Variants in SRGAP3 observed in about 807,000 individuals in gnomAD.
SRGAP3 encodes the protein SLIT-ROBO Rho GTPase-activating protein 3.
In SRGAP3, 39 loss-of-function variants were observed where a neutral mutation model predicts 121.1. The ratio of observed to expected loss-of-function variants is 0.32; its 90% CI spans 0.25 to 0.42. SRGAP3 has a LOEUF of 0.42. Ranked by LOEUF, SRGAP3 falls within the 10% of genes least tolerant of loss-of-function variation. The probability of loss-of-function intolerance (pLI) is 1.00; values close to 1 mark genes in which losing one functional copy is unlikely to be tolerated. For synonymous variants in SRGAP3, 601 were observed against 570.0 expected (o/e 1.05, Z -0.77); for missense variants, 1,213 against 1,470.6 (o/e 0.82, Z 2.86).
At position 8,985,922 on chromosome 3, in the gene SRGAP3, T is replaced by C. The variant is rs762482891; in HGVS notation, c.2897A>G (p.Lys966Arg). Residue 966 changes from lysine (K) to arginine (R), a missense_variant, in exon 22 of 22, where the codon AAG (lysine) becomes AGG (arginine). By Grantham distance (26) the Lys-to-Arg change is conservative. Transcript: ENST00000383836. This position sits in a 1 kb window ranked among gnomAD's most constrained non-coding sequence, Gnocchi z 5.1. The stretch of plus-strand genomic sequence containing the variant: ...CTCGTGCAGAGCCGTGCTCATGGTC[T>C]TCTCGATGTCCTGGGGACAGAGGGA... ...EAEALAEDIE[K>R]TMSTALHELR... is the part of the protein sequence containing the mutation. 3 of 1,599,524 alleles carry C rather than the reference T, an allele frequency of 1.9e-6. No homozygotes were observed. The highest frequency in any genetic ancestry group is 2.5e-6 in the Non-Finnish European group (3 of 1,179,926).
intron 3 of SRGAP3, among the ~76,000 whole-genome samples, chr3:9,266,632 TTTTTG>T (rs1954373504): frequency 6.7e-6 from 1 of 149,416 alleles, no homozygotes. Flanking sequence ...CCATCCGGTT[TTTTTG>T]TTTTGTTTTG....
intron 20 of SRGAP3, among the ~76,000 whole-genome samples, chr3:8,991,839 G>A (rs1432841669): frequency 1.3e-5 from 2 of 152,138 alleles, no homozygotes; most frequent in African/African-American, 4.8e-5. Flanking sequence ...GCTTGTGGGT[G>A]CCCCAGCAGG....
At chr3:9,123,041 G>A (rs1029611724) in intron 2 of SRGAP3, among the ~76,000 whole-genome samples, 1 of 152,204 alleles carries the variant, frequency 6.6e-6, no homozygotes, top group Non-Finnish European at 1.5e-5. Context: ...CCACAGGGAT[G>A]AACTTTGAGG....
chr3:9,081,373 G>A (rs1947238811), intron 3 of SRGAP3: 3 of 440,296 alleles, frequency 6.8e-6, no homozygotes, highest in South Asian at 4.9e-5. Flanking sequence ...AAAAGATCTA[G>A]CTTCTCATTT....
intron 3 of SRGAP3, among the ~76,000 whole-genome samples, chr3:9,285,003 G>A (rs1305757775): frequency 2.6e-5 from 4 of 152,056 alleles, no homozygotes. Context: ...CCAGATATCT[G>A]CAAACTGAAT....
intron 1 of SRGAP3, among the ~76,000 whole-genome samples, chr3:9,153,007 CCAAT>C (rs1319170498): frequency 1.3e-5 from 2 of 152,174 alleles, no homozygotes. Context: ...GTCGTTGATC[CCAAT>C]CAAACTCTCC....
chr3:9,276,886 C>G (rs17050211), intron 3 of SRGAP3, among the ~76,000 whole-genome samples: 11,795 of 152,262 alleles, frequency 0.077, 1,447 homozygotes, highest in African/African-American at 0.26. Flanking sequence ...GAGAAAGGGT[C>G]TCCCATTATC....
intron 7 of SRGAP3, among the ~76,000 whole-genome samples, chr3:9,057,766 T>C (rs766176841): frequency 6.6e-6 from 1 of 152,170 alleles, no homozygotes; most frequent in Non-Finnish European, 1.5e-5. Context: ...TCCATTTGTT[T>C]TTCGTTTGTT....
At chr3:9,249,654 C>T (rs547502386), upstream of SRGAP3, 5 of 234,190 alleles carry the variant, frequency 2.1e-5, no homozygotes, top group African/African-American at 1.1e-4. Context: ...ACTGCTCGCC[C>T]TGCAGGGCTG....
At position 8,985,320 on chromosome 3, in the gene SRGAP3, G is replaced by T. The variant is rs1941620009; in HGVS notation, c.*199C>A. On this transcript the variant is annotated 3_prime_UTR_variant, in exon 22 of 22. Transcript: ENST00000383836. This position sits in a 1 kb window ranked among gnomAD's most constrained non-coding sequence, Gnocchi z 5.1. Reference sequence around the variant, plus strand: ...CACTCCTCTGGTCGTCTGTTGACACGCGAGAGGTCCGTGGGATTCCCATGG... The same window carrying T: ...CACTCCTCTGGTCGTCTGTTGACACTCGAGAGGTCCGTGGGATTCCCATGG... 3 of 1,206,378 alleles carry T rather than the reference G, an allele frequency of 2.5e-6. No individual in the cohort carries two copies. Among genetic ancestry groups the T allele is most frequent in the African/African-American group, 1.6e-5 (1 of 63,254 alleles). 74.7% of individuals were successfully genotyped at this position (1,206,378 alleles called of 1,614,324 possible).
chr3:9,202,877 A>T (rs912415911), intron 1 of SRGAP3, among the ~76,000 whole-genome samples: 4 of 152,208 alleles, frequency 2.6e-5, no homozygotes, highest in Non-Finnish European at 4.4e-5. Context: ...AGGCTGAAGT[A>T]AGCCTCCTTC....
At chr3:9,231,191 C>G (rs1249177637) in intron 1 of SRGAP3, among the ~76,000 whole-genome samples, 2 of 152,232 alleles carry the variant, frequency 1.3e-5, no homozygotes, top group Admixed American at 1.3e-4. Flanking sequence ...GTCCAAGGAG[C>G]TCAGAGAAGG....
chr3:9,081,745 A>G (rs938497643), intron 3 of SRGAP3, among the ~76,000 whole-genome samples: 2 of 152,220 alleles, frequency 1.3e-5, no homozygotes, highest in Non-Finnish European at 2.9e-5. Context: ...AAACAATGAG[A>G]AAATTATCTC....
intron 12 of SRGAP3, chr3:9,028,081 G>C: frequency 5.6e-6 from 9 of 1,614,068 alleles, no homozygotes; most frequent in Non-Finnish European, 7.6e-6. Context: ...TGGGGCTAAT[G>C]GGCCTTTCTA....
intron 1 of SRGAP3, among the ~76,000 whole-genome samples, chr3:9,161,508 G>A (rs1950598006): frequency 6.6e-6 from 1 of 152,214 alleles, no homozygotes; most frequent in Admixed American, 6.5e-5. Flanking sequence ...CACGTGGGCT[G>A]GAAGAGGCAG....
In SRGAP3 at chr3:9,249,009, C is replaced by T; in HGVS notation, c.-58G>A. 1.9e-6 allele frequency: 3 copies of T among 1,547,404 alleles called. No individual in the cohort carries two copies. Among genetic ancestry groups the T allele is most frequent in the Admixed American group, 1.7e-5 (1 of 59,814 alleles). On this transcript the variant is annotated 5_prime_UTR_variant, in exon 1 of 22. Coordinates refer to ENST00000383836, the MANE Select transcript of SRGAP3 (RefSeq NM_014850.4). ...TTTGATTTATTTCTCCTTTTCTTTTCGAGTCCTCTCTCAAGCCCTGGTAAT... is the reference window on the plus strand; with the variant it reads ...TTTGATTTATTTCTCCTTTTCTTTTTGAGTCCTCTCTCAAGCCCTGGTAAT...
chr3:9,011,024 A>C (rs1239431095), intron 17 of SRGAP3, among the ~76,000 whole-genome samples: 2 of 120,878 alleles, frequency 1.7e-5, no homozygotes, highest in African/African-American at 6.3e-5. Flanking sequence ...GCAAGGGTTA[A>C]TTCACATAAT....
chr3:9,353,065 G>A lies in SRGAP3; in HGVS notation n.214+9775C>T, dbSNP rs73026920. The stretch of plus-strand genomic sequence containing the variant: ...GTGATTCTGCTTTGCCTTTGGCACC[G>A]TGTTGCTGCTGCAGTGACCACTGCT... On this transcript the variant is annotated intron_variant and non_coding_transcript_variant, in intron 1 of 3. Transcript: ENST00000490889. 4.8e-3 allele frequency among the ~76,000 whole-genome samples: 737 copies of A among 152,306 alleles called. 3 individuals are homozygous for A. The highest frequency in any genetic ancestry group is 9.0e-3 in the Non-Finnish European group (613 of 68,028).
intron 1 of SRGAP3, among the ~76,000 whole-genome samples, chr3:9,336,866 T>G (rs1955701322): frequency 6.6e-6 from 1 of 152,120 alleles, no homozygotes; most frequent in African/African-American, 2.4e-5. Flanking sequence ...AATGGGCTCA[T>G]GTAATTATAG....
Sources: allele counts gnomAD v4.1 joint callset (sites outside exome capture counted in the v4.1 genomes callset), GRCh38; gene constraint gnomAD v4.1.1; non-coding constraint Gnocchi (gnomAD v3.1); transcripts MANE v1.5; gene names NCBI Gene and HGNC (gene_info 2026-07-23, HGNC 2026-07-21).